Variants in RIMS2 observed in about 807,000 individuals in gnomAD.
RIMS2 encodes the protein regulating synaptic membrane exocytosis 2.
In RIMS2, 59 loss-of-function variants were observed where a neutral mutation model predicts 174.4. The observed-to-expected ratio is 0.34, with a 90% CI of 0.27 to 0.42. The LOEUF is 0.42. Ranked by LOEUF, RIMS2 falls within the 10% of genes least tolerant of loss-of-function variation. The pLI, the probability that RIMS2 is intolerant of heterozygous loss-of-function variation, is 1.00. For missense variants in RIMS2, 1,620 were observed against 1,666.3 expected (o/e 0.97, Z 0.48); for synonymous variants, 606 against 572.5 (o/e 1.06, Z -0.84).
intron 19 of RIMS2, among the ~76,000 whole-genome samples, chr8:104,076,461 T>A (rs1012020391): frequency 6.6e-6 from 1 of 152,186 alleles, no homozygotes; most frequent in Non-Finnish European, 1.5e-5. Context: ...GAAGGGGTGA[T>A]GTCAAGAGAG....
intron 1 of RIMS2, among the ~76,000 whole-genome samples, chr8:103,691,360 C>A (rs1037313192): frequency 1.3e-5 from 2 of 152,030 alleles, no homozygotes; most frequent in Admixed American, 1.3e-4. Context: ...TGTAGGTGTG[C>A]TTTATTGTTT....
At chr8:104,229,515 G>T (rs2099211633) in intron 19 of RIMS2, among the ~76,000 whole-genome samples, 1 of 152,180 alleles carries the variant, frequency 6.6e-6, no homozygotes, top group Non-Finnish European at 1.5e-5. Flanking sequence ...CCCATGAGCA[G>T]AAATCCCACC....
intron 3 of RIMS2, among the ~76,000 whole-genome samples, chr8:103,860,594 A>T (rs1380752148): frequency 6.6e-6 from 1 of 152,120 alleles, no homozygotes; most frequent in Non-Finnish European, 1.5e-5. Context: ...ATATTCAATA[A>T]ATATTAACAG....
At chr8:103,501,252 G>C (rs898594381) in intron 1 of RIMS2, 190 bp downstream of exon 1, 1 of 341,888 alleles carries the variant, frequency 2.9e-6, no homozygotes, top group Non-Finnish European at 5.5e-6. Flanking sequence ...GTGTGTGTCG[G>C]GGAGGGAGGG....
intron 1 of RIMS2, among the ~76,000 whole-genome samples, chr8:103,651,422 C>G (rs893755427): frequency 7.9e-5 from 12 of 151,600 alleles, no homozygotes; most frequent in African/African-American, 2.9e-4. Context: ...CTGTCTACTT[C>G]TAAATCAGTT....
At chr8:104,097,309 C>A (rs1420335070) in intron 19 of RIMS2, among the ~76,000 whole-genome samples, 1 of 151,884 alleles carries the variant, frequency 6.6e-6, no homozygotes, top group Non-Finnish European at 1.5e-5. Flanking sequence ...TAATTTTATC[C>A]CATATTTTTA....
chr8:103,568,808 T>A, intron 1 of RIMS2: 1 of 1,129,476 alleles, frequency 8.9e-7, no homozygotes, highest in Non-Finnish European at 1.3e-6. Flanking sequence ...CAATCAGTGC[T>A]ATAAGAAGCT....
chr8:103,678,358 A>G (rs1387261574), intron 1 of RIMS2, among the ~76,000 whole-genome samples: 1 of 152,202 alleles, frequency 6.6e-6, no homozygotes, highest in South Asian at 2.1e-4. Context: ...AGACAAAGCA[A>G]TTCTCATGAC....
At chr8:104,250,731 T>C (rs1410429199) in intron 22 of RIMS2, among the ~76,000 whole-genome samples, 1 of 152,186 alleles carries the variant, frequency 6.6e-6, no homozygotes, top group Non-Finnish European at 1.5e-5. Flanking sequence ...GAGCAGGACA[T>C]CTCTCAGGAC....
intron 19 of RIMS2, among the ~76,000 whole-genome samples, chr8:104,140,552 T>A (rs2098557177): frequency 6.6e-6 from 1 of 152,136 alleles, no homozygotes; most frequent in Non-Finnish European, 1.5e-5. Context: ...TTAGAAAAAG[T>A]GGTACCTCTA....
intron 19 of RIMS2, among the ~76,000 whole-genome samples, chr8:104,086,237 G>A (rs1257597376): frequency 3.4e-5 from 5 of 148,682 alleles, no homozygotes; most frequent in Admixed American, 2.7e-4. Context: ...GGTAAATTAG[G>A]ATGTTATTGG....
intron 1 of RIMS2, 27 bp downstream of exon 1, chr8:103,501,089 C>T (rs1454816218): frequency 2.0e-6 from 3 of 1,537,768 alleles, no homozygotes; most frequent in South Asian, 2.4e-5. Context: ...ATATTCCCGC[C>T]TCTCTCCCTG....
rs188421776 is a variant in RIMS2, at chr8:104,203,565, G to A, written c.3335-41351G>A. ...GTCACCCAGGCTGGAGTTCAGTGGC[G>A]CAATCTCAGCTCACTGCAACTTCCG... On this transcript the variant is annotated intron_variant, in intron 19 of 23. Coordinates refer to ENST00000504942, the Ensembl canonical transcript of RIMS2. Among the ~76,000 whole-genome samples the A allele has an allele frequency of 4.8e-3, 656 of 137,640 alleles. 5 individuals are homozygous for A. Among genetic ancestry groups the A allele is most frequent in the African/African-American group, 0.017 (603 of 36,212 alleles). 90.3% of individuals were successfully genotyped at this position (137,640 alleles called of 152,430 possible).
At chr8:103,856,875 C>G (rs1195352729) in intron 3 of RIMS2, among the ~76,000 whole-genome samples, 2 of 151,642 alleles carry the variant, frequency 1.3e-5, no homozygotes, top group Non-Finnish European at 2.9e-5. Flanking sequence ...GGCATGGTCT[C>G]GGCTCATTGC....
At chr8:104,135,274 C>T (rs1477689507) in intron 19 of RIMS2, among the ~76,000 whole-genome samples, 2 of 151,966 alleles carry the variant, frequency 1.3e-5, no homozygotes, top group Non-Finnish European at 2.9e-5. Context: ...TATAGTGGAG[C>T]AACTGTGCTC....
intron 19 of RIMS2, 128 bp from the exon 25 acceptor site, chr8:104,148,479 T>G: frequency 1.1e-6 from 1 of 946,666 alleles, no homozygotes; most frequent in Non-Finnish European, 1.5e-6. Flanking sequence ...TTGAAATTTT[T>G]TAACTCCTAA....
intron 1 of RIMS2, among the ~76,000 whole-genome samples, chr8:103,610,205 T>A (rs2095318540): frequency 6.6e-6 from 1 of 152,204 alleles, no homozygotes; most frequent in Admixed American, 6.5e-5. Context: ...TTGCTGAAGT[T>A]GTTTATCAGA....
At chr8:103,532,444 A>C (rs1406851676) in intron 1 of RIMS2, among the ~76,000 whole-genome samples, 5 of 152,222 alleles carry the variant, frequency 3.3e-5, no homozygotes, top group Non-Finnish European at 5.9e-5. Flanking sequence ...GATCCAGAGA[A>C]TGGATCAGAT....
At chr8:103,766,675 T>C in intron 3 of RIMS2, 138 bp downstream of exon 6, 1 of 643,626 alleles carries the variant, frequency 1.6e-6, no homozygotes, top group Non-Finnish European at 2.7e-6. Flanking sequence ...ACATAAATAC[T>C]ATATGTGATG....
Sources: allele counts gnomAD v4.1 joint callset (sites outside exome capture counted in the v4.1 genomes callset), GRCh38; gene constraint gnomAD v4.1.1; transcripts MANE v1.5; gene names NCBI Gene and HGNC (gene_info 2026-07-23, HGNC 2026-07-21).